PTPRD: variants seen among roughly 807,000 people sequenced by gnomAD.
The protein encoded by PTPRD is protein tyrosine phosphatase receptor type D.
A neutral mutation model predicts 214.5 loss-of-function variants in PTPRD; 34 were observed. The observed-to-expected ratio is 0.16, with a 90% confidence interval of 0.12 to 0.21. PTPRD has a LOEUF of 0.21. Ranked by LOEUF, PTPRD falls within the 10% of genes least tolerant of loss-of-function variation. The probability of loss-of-function intolerance (pLI) is 1.00; values close to 1 mark genes in which losing one functional copy is unlikely to be tolerated. For missense variants in PTPRD, 2,545 were observed against 2,398.7 expected (o/e 1.06, Z -1.27); for synonymous variants, 1,128 against 845.7 (o/e 1.33, Z -5.79).
chr9:8,528,858 C>T, intron 14 of PTPRD, 79 bp from the exon 15 acceptor site: 4 of 1,383,464 alleles, frequency 2.9e-6, no homozygotes, highest in Non-Finnish European at 4.0e-6. Context: ...AGAAATCTCT[C>T]TTTACCTTAC....
chr9:8,719,665 T>G (rs983617834), intron 12 of PTPRD, among the ~76,000 whole-genome samples: 4 of 151,936 alleles, frequency 2.6e-5, no homozygotes, highest in Non-Finnish European at 5.9e-5. Flanking sequence ...ACTTTCTTGT[T>G]ACAGTGGCAG....
chr9:9,414,753 A>T (rs2076509067), intron 8 of PTPRD: 1 of 152,246 alleles, frequency 6.6e-6, no homozygotes, highest in African/African-American at 2.4e-5. Context: ...AATACTTACC[A>T]GGTAGCTATC....
At chr9:8,912,295 T>C (rs1385786699) in intron 11 of PTPRD, among the ~76,000 whole-genome samples, 1 of 152,156 alleles carries the variant, frequency 6.6e-6, no homozygotes, top group Non-Finnish European at 1.5e-5. Context: ...ATGTTATATA[T>C]ACTTGGAATG....
chr9:9,576,221 G>A (rs2088719845), intron 7 of PTPRD, among the ~76,000 whole-genome samples: 2 of 152,166 alleles, frequency 1.3e-5, no homozygotes, highest in South Asian at 4.1e-4. Flanking sequence ...ATTTCATGAA[G>A]GAATAATACT....
rs191129192 is a variant in PTPRD, at chr9:10,039,581, T to G, written c.-544-5791A>C. 5.3e-4 allele frequency among the ~76,000 whole-genome samples: 81 copies of G among 152,170 alleles called. 1 individual carries two copies. Among genetic ancestry groups the G allele is most frequent in the Admixed American group, 4.2e-3 (64 of 15,252 alleles). ...AACATTTTCCTTATATAAAGAACACTTAGCTTATGAACTAAAACTCCTGGG... is the reference window on the plus strand; with the variant it reads ...AACATTTTCCTTATATAAAGAACACGTAGCTTATGAACTAAAACTCCTGGG... On this transcript the variant is annotated intron_variant, in intron 3 of 45. Transcript: ENST00000381196.
chr9:9,159,579 T>C (rs919847900), intron 10 of PTPRD, among the ~76,000 whole-genome samples: 1 of 152,106 alleles, frequency 6.6e-6, no homozygotes, highest in Non-Finnish European at 1.5e-5. Flanking sequence ...AGTAGAATAA[T>C]ATCCTGTGTT....
At chr9:8,758,055 T>A (rs1216416241) in intron 11 of PTPRD, among the ~76,000 whole-genome samples, 2 of 152,180 alleles carry the variant, frequency 1.3e-5, no homozygotes, top group Non-Finnish European at 2.9e-5. Flanking sequence ...TCAACTTCCA[T>A]CTGTGTGAAA....
At chr9:10,491,408 T>A (rs2040186691) in intron 2 of PTPRD, among the ~76,000 whole-genome samples, 1 of 152,144 alleles carries the variant, frequency 6.6e-6, no homozygotes, top group African/African-American at 2.4e-5. Context: ...AGACATGACA[T>A]TTTCTGTATT....
intron 9 of PTPRD, among the ~76,000 whole-genome samples, chr9:9,260,789 C>T (rs1009607121): frequency 6.6e-6 from 1 of 151,852 alleles, no homozygotes; most frequent in Admixed American, 6.6e-5. Context: ...CTGACAATCA[C>T]TTTTTCCCAC....
At chr9:10,046,594 C>T (rs1288524890) in intron 3 of PTPRD, among the ~76,000 whole-genome samples, 3 of 151,908 alleles carry the variant, frequency 2.0e-5, no homozygotes, top group Middle Eastern at 3.4e-3. Context: ...TCTCACAAAA[C>T]AAGGCATATC....
intron 2 of PTPRD, among the ~76,000 whole-genome samples, chr9:10,377,903 C>A (rs2097760191): frequency 6.6e-6 from 1 of 151,992 alleles, no homozygotes; most frequent in Non-Finnish European, 1.5e-5. Flanking sequence ...ACACTGATTT[C>A]ATTTCTTTTG....
At chr9:9,414,314 C>T (rs1332594333) in intron 8 of PTPRD, among the ~76,000 whole-genome samples, 1 of 152,138 alleles carries the variant, frequency 6.6e-6, no homozygotes, top group Non-Finnish European at 1.5e-5. Flanking sequence ...TCTTTCTTTT[C>T]CTTCATAAAA....
intron 10 of PTPRD, chr9:9,091,164 T>G: frequency 6.5e-7 from 1 of 1,548,044 alleles, no homozygotes; most frequent in Non-Finnish European, 8.8e-7. Flanking sequence ...ATCGATCTCG[T>G]GAAGTCCGCA....
intron 8 of PTPRD, among the ~76,000 whole-genome samples, chr9:9,445,510 G>C (rs2090073632): frequency 1.3e-5 from 2 of 152,130 alleles, no homozygotes; most frequent in Non-Finnish European, 2.9e-5. Flanking sequence ...TTGACTCATA[G>C]TTCTGCATGG....
intron 4 of PTPRD, among the ~76,000 whole-genome samples, chr9:9,998,545 A>G (rs1464031379): frequency 8.1e-6 from 1 of 124,090 alleles, no homozygotes; most frequent in Non-Finnish European, 1.7e-5. Context: ...CATTATCATG[A>G]TAGCTCTACT....
At chr9:9,911,494 C>CAAA (rs2079175250) in intron 5 of PTPRD, among the ~76,000 whole-genome samples, 2 of 103,986 alleles carry the variant, frequency 1.9e-5, no homozygotes, top group Middle Eastern at 4.7e-3. Context: ...GGGTTTGTTA[C>CAAA]CCCAACTAAA....
intron 11 of PTPRD, among the ~76,000 whole-genome samples, chr9:8,978,634 C>T (rs1394229398): frequency 1.3e-5 from 2 of 152,106 alleles, no homozygotes; most frequent in African/African-American, 4.8e-5. Flanking sequence ...GGAGCTGAAA[C>T]TTACTCCCCA....
intron 12 of PTPRD, among the ~76,000 whole-genome samples, chr9:8,664,168 T>C (rs766970908): frequency 6.6e-6 from 1 of 152,204 alleles, no homozygotes; most frequent in Non-Finnish European, 1.5e-5. Context: ...CTTGAAGATA[T>C]GCAAACGTTT....
At chr9:10,127,885 A>G (rs2098831510) in intron 3 of PTPRD, among the ~76,000 whole-genome samples, 1 of 152,166 alleles carries the variant, frequency 6.6e-6, no homozygotes, top group African/African-American at 2.4e-5. Flanking sequence ...CCCCGTCACT[A>G]TCACAGAGAT....
Sources: gnomAD v4.1 joint callset for allele counts (sites outside exome capture counted in the v4.1 genomes callset) on GRCh38, gnomAD v4.1.1 for gene constraint, MANE v1.5 for transcripts, NCBI Gene and HGNC (gene_info 2026-07-23, HGNC 2026-07-21) for gene names.